TP53AIP1: variants seen among roughly 807,000 people sequenced by gnomAD.
TP53AIP1 encodes p53-regulated apoptosis-inducing protein 1.
In TP53AIP1, 14 loss-of-function variants were observed where a neutral mutation model predicts 9.5. The ratio of observed to expected loss-of-function variants is 1.47; its 90% CI spans 0.97 to 2.30. TP53AIP1 has a LOEUF of 2.30. Ranked by LOEUF, TP53AIP1 falls within the 30% of genes most tolerant of loss-of-function variation. The pLI, the probability that TP53AIP1 is intolerant of heterozygous loss-of-function variation, is 0.00. For missense variants in TP53AIP1, 153 were observed against 146.7 expected (o/e 1.04, Z -0.22); for synonymous variants, 73 against 61.2 (o/e 1.19, Z -0.90).
In TP53AIP1 at chr11:128,939,155, C is replaced by A. The variant is rs1429819481; in HGVS notation, c.-76-1261G>T. ...CGTTACGAAAATGTAAAAGAACGAA[C>A]ACGGCTTCAATACCAGGATTGAGCC... is the stretch of plus-strand genomic sequence containing the variant. On this transcript the variant is annotated intron_variant, in intron 1 of 3. Coordinates refer to ENST00000531399, the MANE Select transcript of TP53AIP1 (RefSeq NM_022112.3). The surrounding 1 kb of genome is among the most constrained non-coding windows in gnomAD (Gnocchi z 4.1). Among the ~76,000 whole-genome samples, 2 of 152,196 alleles carry A rather than the reference C, an allele frequency of 1.3e-5. No homozygotes were observed. Among genetic ancestry groups the A allele is most frequent in the African/African-American group, 4.8e-5 (2 of 41,446 alleles).
At chr11:128,941,566 G>T (rs1944942543) in intron 1 of TP53AIP1, among the ~76,000 whole-genome samples, 1 of 152,204 alleles carries the variant, frequency 6.6e-6, no homozygotes. Context: ...TTGCCAGCTG[G>T]CATGATGTTT....
rs367588084 is a variant in TP53AIP1 at position 128,942,618 on chromosome 11, G to A, written c.-77+176C>T. On this transcript the variant is annotated intron_variant, in intron 1 of 3. Coordinates refer to ENST00000531399, the MANE Select transcript of TP53AIP1 (RefSeq NM_022112.3). ...TACTCTCAGGGTTCAGAACCATTGA[G>A]AGAGAGCAGTTTAGCTGACCTCCTC... Among the ~76,000 whole-genome samples, 19 of 152,340 alleles carry A rather than the reference G, an allele frequency of 1.2e-4. No individual in the cohort carries two copies. The East Asian group carries it at 1.5e-3, about 12-fold the overall frequency.
rs2136019701 is a variant in TP53AIP1, at chr11:128,937,260, G to A, written c.141+418C>T. On this transcript the variant is annotated intron_variant, in intron 2 of 3. Transcript: ENST00000531399. This position sits in a 1 kb window ranked among gnomAD's most constrained non-coding sequence, Gnocchi z 4.8. The stretch of plus-strand genomic sequence containing the variant: ...CATCTGGACAAAAGCAGGATCCGGG[G>A]TGGACGCAGAAGAGCAGGCCCGGAG... 7.7e-7 allele frequency: 1 copy of A among 1,295,092 alleles called. No individual in the cohort carries two copies. The highest frequency in any genetic ancestry group is 9.8e-7 in the Non-Finnish European group (1 of 1,023,184). The allele number at this position is 1,295,092 out of a possible 1,614,324, so 80.2% of individuals were successfully genotyped here.
Position 128,937,735 on chromosome 11 carries a change from G to T in TP53AIP1, c.84C>A (p.Asp28Glu). ...GARRQGLGRG[D>E]QNLSVMPPNG... ...TCGGAGGCATCACCGAGAGGTTCTG[G>T]TCTCCCCTGCCCAGGCCCTGCCTCC... The change falls in exon 2 of 4, where the codon GAC becomes GAA. Residue 28 changes from aspartate (D) to glutamate (E), a missense_variant. Physicochemically the swap from Asp to Glu is conservative, Grantham distance 45. Transcript: ENST00000531399. This position sits in a 1 kb window ranked among gnomAD's most constrained non-coding sequence, Gnocchi z 4.8. 6.2e-7 allele frequency: 1 copy of T among 1,614,080 alleles called. No individual in the cohort carries two copies. Among genetic ancestry groups the T allele is most frequent in the Non-Finnish European group, 8.5e-7 (1 of 1,180,012 alleles).
intron 3 of TP53AIP1, 85 bp from the exon 4 acceptor site, chr11:128,935,797 T>C (rs1944810980): frequency 1.4e-6 from 2 of 1,391,488 alleles, no homozygotes; most frequent in Non-Finnish European, 9.3e-7. Flanking sequence ...AGACCAGGGA[T>C]AAAAACAACA....
intron 3 of TP53AIP1, 143 bp downstream of exon 3, chr11:128,936,395 G>A: frequency 2.1e-6 from 3 of 1,419,234 alleles, no homozygotes; most frequent in Non-Finnish European, 1.8e-6. Flanking sequence ...CTGCCATGAT[G>A]TCATTTTGTC....
intron 1 of TP53AIP1, among the ~76,000 whole-genome samples, chr11:128,940,191 C>A (rs1330361226): frequency 6.6e-6 from 1 of 152,200 alleles, no homozygotes; most frequent in African/African-American, 2.4e-5. Flanking sequence ...CCTTAGAGGG[C>A]ACAAGGGGCC....
Position 128,937,581 on chromosome 11 carries a change from T to C in TP53AIP1, c.141+97A>G, listed in dbSNP as rs1238880686. ...GATGCTGTCACTGGGTCCTGGTGAG[T>C]CTGAAAACTTGGGATGTCGGCACCA... On this transcript the variant is annotated intron_variant, in intron 2 of 3. Transcript: ENST00000531399. This position sits in a 1 kb window ranked among gnomAD's most constrained non-coding sequence, Gnocchi z 4.8. 6.2e-6 allele frequency: 10 copies of C among 1,613,374 alleles called. No homozygotes were observed. The highest frequency in any genetic ancestry group is 1.7e-5 in the Admixed American group (1 of 59,950).
chr11:128,934,966 G>C, downstream of TP53AIP1: 1 of 702,666 alleles, frequency 1.4e-6, no homozygotes, highest in East Asian at 2.7e-5. Flanking sequence ...CATTGGTTAA[G>C]GGTTGCCCTG....
In TP53AIP1 at chr11:128,935,412, T is replaced by C. The variant is rs1006148803; in HGVS notation, c.*179A>G. 7.0e-7 allele frequency: 1 copy of C among 1,418,470 alleles called. No individual in the cohort carries two copies. The highest frequency in any genetic ancestry group is 9.2e-7 in the Non-Finnish European group (1 of 1,092,890). 87.9% of individuals were successfully genotyped at this position (1,418,470 alleles called of 1,614,324 possible). A position where few individuals can be genotyped will look rare whatever the true frequency, so the allele number is the denominator to read the frequency against. On this transcript the variant is annotated 3_prime_UTR_variant, in exon 4 of 4. Transcript: ENST00000531399. ...TTTCAGATTTGGGGATACAGAAGGA[T>C]GCAAAATGAGGCAACCTAGCCACCC...
chr11:128,935,902 G>A (rs1203210636), intron 3 of TP53AIP1, 190 bp from the exon 4 acceptor site: 14 of 1,309,334 alleles, frequency 1.1e-5, no homozygotes, highest in Non-Finnish European at 1.4e-5. Flanking sequence ...AGATTTCATA[G>A]ATATCAAATG....
chr11:128,940,822 G>T (rs1050073671), intron 1 of TP53AIP1, among the ~76,000 whole-genome samples: 1 of 152,224 alleles, frequency 6.6e-6, no homozygotes, highest in Non-Finnish European at 1.5e-5. Context: ...CAGGAGCACT[G>T]GCCCAGTCTC....
chr11:128,935,661 C>T lies in TP53AIP1; in HGVS notation c.305G>A (p.Arg102Lys). 6.3e-7 allele frequency: 1 copy of T among 1,588,974 alleles called. No individual in the cohort carries two copies. The highest frequency in any genetic ancestry group is 2.2e-5 in the East Asian group (1 of 44,662). The change falls in exon 4 of 4, where the codon AGA becomes AAA. Residue 102 changes from arginine to lysine, a missense_variant. Physicochemically the swap from Arg to Lys is conservative, Grantham distance 26. Coordinates refer to ENST00000531399, the MANE Select transcript of TP53AIP1 (RefSeq NM_022112.3). ...RPFLPGATVL[R>K]DRPLGSAFEL... ...AAATGCTGACCCCAGTGGCCTGTCT[C>T]TAAGCACTGTGGCTCCAGGAAGGAA...
At chr11:128,936,789 A>T (rs533513670) in intron 2 of TP53AIP1, 140 bp from the exon 3 acceptor site, 1 of 1,433,358 alleles carries the variant, frequency 7.0e-7, no homozygotes, top group East Asian at 2.5e-5. Context: ...GCTGCCACTC[A>T]GGTTCCCATG....
intron 1 of TP53AIP1, among the ~76,000 whole-genome samples, chr11:128,940,296 G>T (rs1944915962): frequency 6.6e-6 from 1 of 152,162 alleles, no homozygotes; most frequent in Admixed American, 6.5e-5. Context: ...AGCTGCTTTT[G>T]GCCCCGTCTC....
chr11:128,938,839 T>G (rs1028154310), intron 1 of TP53AIP1, among the ~76,000 whole-genome samples: 3 of 152,088 alleles, frequency 2.0e-5, no homozygotes, highest in Non-Finnish European at 4.4e-5. Flanking sequence ...AAGAATACCC[T>G]GAAAGCCACA....
Position 128,937,229 on chromosome 11 carries a change from G to A in TP53AIP1, c.141+449C>T, listed in dbSNP as rs111842897. 0.014 allele frequency: 17,837 copies of A among 1,236,742 alleles called. 240 individuals are homozygous for A. The highest frequency in any genetic ancestry group is 0.066 in the African/African-American group (4,307 of 65,124). The allele number at this position is 1,236,742 out of a possible 1,614,324, so 76.6% of individuals were successfully genotyped here. A position where few individuals can be genotyped will look rare whatever the true frequency, so the allele number is the denominator to read the frequency against. On this transcript the variant is annotated intron_variant, in intron 2 of 3. Coordinates refer to ENST00000531399, the MANE Select transcript of TP53AIP1 (RefSeq NM_022112.3). This position sits in a 1 kb window ranked among gnomAD's most constrained non-coding sequence, Gnocchi z 4.8. ...TCTTGGAGTAAGTGACTGGTGCTCC[G>A]AGGCCCATCTGGACAAAAGCAGGAT...
chr11:128,938,858 A>G (rs1944888078), intron 1 of TP53AIP1, among the ~76,000 whole-genome samples: 1 of 152,214 alleles, frequency 6.6e-6, no homozygotes, highest in Non-Finnish European at 1.5e-5. Flanking sequence ...CACAGGTCTC[A>G]GGGCAGCAGG....
chr11:128,937,711 C>T lies in TP53AIP1; in HGVS notation c.108G>A (p.Pro36=), dbSNP rs142456712. ...RGDQNLSVMP[P]NGRAQTHTPG... is the part of the protein sequence containing the mutation. ...GTGTGTGTGTCTGAGCCCTGCCATT[C>T]GGAGGCATCACCGAGAGGTTCTGGT... The change falls in exon 2 of 4, where the codon CCG becomes CCA. Residue 36 remains proline (P), a synonymous_variant. Coordinates refer to ENST00000531399, the MANE Select transcript of TP53AIP1 (RefSeq NM_022112.3). The surrounding 1 kb of genome is among the most constrained non-coding windows in gnomAD (Gnocchi z 4.8). 2.2e-4 allele frequency: 354 copies of T among 1,614,156 alleles called. 2 individuals carry two copies. In the African/African-American group the frequency reaches 4.2e-3, roughly 19 times the overall value.
Sources: gnomAD v4.1 joint callset for allele counts (sites outside exome capture counted in the v4.1 genomes callset) on GRCh38, gnomAD v4.1.1 for gene constraint, Gnocchi (gnomAD v3.1) non-coding constraint, MANE v1.5 for transcripts, NCBI Gene and HGNC (gene_info 2026-07-23, HGNC 2026-07-21) for gene names.